The following ISLR variants were observed in gnomAD, a reference collection of about 807,000 sequenced individuals.
The protein encoded by ISLR is immunoglobulin superfamily containing leucine-rich repeat protein.
Under a neutral mutation model 11.0 loss-of-function variants are expected in ISLR, and 9 were observed. The observed-to-expected ratio is 0.82, with a 90% CI of 0.49 to 1.43. The LOEUF is 1.43. Among genes scored for constraint, ISLR ranks in the 40% most tolerant of loss-of-function variants. ISLR has a pLI of 0.00. For synonymous variants in ISLR, 262 were observed against 264.1 expected (o/e 0.99, Z 0.08); for missense variants, 510 against 576.4 (o/e 0.88, Z 1.18).
chr15:74,175,179 C>T lies in ISLR; in HGVS notation c.321C>T (p.His107=). ...ATCTCAAGAGCCTGGACCTCAGCCACAATCTCATCTCTGACTTTGCCTGGA... is the reference window on the plus strand; with the variant it reads ...ATCTCAAGAGCCTGGACCTCAGCCATAATCTCATCTCTGACTTTGCCTGGA... The part of the protein sequence containing the change: ...LSHLKSLDLS[H]NLISDFAWSD... The change falls in exon 2 of 2, where the codon CAC becomes CAT. Residue 107 remains histidine (H), a synonymous_variant. Transcript: ENST00000249842. This position sits in a 1 kb window ranked among gnomAD's most constrained non-coding sequence, Gnocchi z 4.7. 6.2e-7 allele frequency: 1 copy of T among 1,613,092 alleles called. No homozygotes were observed. The highest frequency in any genetic ancestry group is 8.5e-7 in the Non-Finnish European group (1 of 1,180,006).
chr15:74,174,548 T>G, intron 1 of ISLR: 1 of 299,994 alleles, frequency 3.3e-6, no homozygotes, highest in Non-Finnish European at 6.2e-6. Context: ...TTTCAAGTCA[T>G]AAAGTCAGCT....
At chr15:74,174,465 C>G in intron 1 of ISLR, 1 of 157,428 alleles carries the variant, frequency 6.4e-6, no homozygotes, top group Non-Finnish European at 1.2e-5. Context: ...GTGGGAGGGA[C>G]TGCGGCCAGG....
At position 74,176,355 on chromosome 15, in the gene ISLR, T is replaced by C; in HGVS notation, c.*210T>C. On this transcript the variant is annotated 3_prime_UTR_variant, in exon 2 of 2. Coordinates refer to ENST00000249842, the MANE Select transcript of ISLR (RefSeq NM_005545.4). Reference sequence around the variant, plus strand: ...CTAGGATAGAATTTGATCCCCTAACTCACTGTCTGCGGTGCTCATTGCTGC... The same window carrying C: ...CTAGGATAGAATTTGATCCCCTAACCCACTGTCTGCGGTGCTCATTGCTGC... 1 of 507,674 alleles carries C rather than the reference T, an allele frequency of 2.0e-6. No homozygotes were observed. The highest frequency in any genetic ancestry group is 3.5e-6 in the Non-Finnish European group (1 of 282,978). 31.4% of individuals were successfully genotyped at this position (507,674 alleles called of 1,614,324 possible).
rs1441287277 is a variant in ISLR at position 74,175,499 on chromosome 15, A to C, written c.641A>C (p.His214Pro). Residue 214 changes from histidine (H) to proline (P), a missense_variant, in exon 2 of 2, where the codon CAT becomes CCT. Coordinates refer to ENST00000249842, the MANE Select transcript of ISLR (RefSeq NM_005545.4). The surrounding 1 kb of genome is among the most constrained non-coding windows in gnomAD (Gnocchi z 4.7). The stretch of plus-strand genomic sequence containing the variant: ...GACAACATCGCCTGCACCTCACCCC[A>C]TGTGCTCAAGGGTACGCCGCTGAGC... The part of the protein sequence containing the change: ...EQDNIACTSP[H>P]VLKGTPLSRL... 2 of 1,610,138 alleles carry C rather than the reference A, an allele frequency of 1.2e-6. No homozygotes were observed. Among genetic ancestry groups the C allele is most frequent in the Admixed American group, 1.7e-5 (1 of 59,980 alleles).
chr15:74,174,728 A>C (rs2141982661), intron 1 of ISLR, 123 bp from the exon 2 acceptor site: 1 of 692,820 alleles, frequency 1.4e-6, no homozygotes, highest in South Asian at 2.5e-5. Flanking sequence ...TGGTGTTGGG[A>C]TTTAGCTGGG....
chr15:74,174,921 G>A lies in ISLR; in HGVS notation c.63G>A (p.Glu21=), dbSNP rs750697768. 1.2e-4 allele frequency: 185 copies of A among 1,597,708 alleles called. No individual in the cohort carries two copies. Among genetic ancestry groups the A allele is most frequent in the Non-Finnish European group, 1.6e-4 (183 of 1,173,180 alleles). ...LLLGLAQACP[E]PCDCGEKYGF... is the part of the protein sequence containing the mutation. ...TGGGCCTGGCTCAGGCCTGCCCTGA[G>A]CCCTGCGACTGTGGGGAAAAGTATG... Residue 21 remains glutamate, a synonymous_variant, in exon 2 of 2, where the codon GAG becomes GAA. Transcript: ENST00000249842.
At position 74,175,932 on chromosome 15, in the gene ISLR, G is replaced by GT; in HGVS notation, c.1076dup (p.His360ProfsTer6). Reference sequence around the variant, plus strand: ...GTGGTGAGGACACACTGGGGCGCAGGTTCCATGGCAAAGCGGTTGAGGGAA... The same window carrying GT: ...GTGGTGAGGACACACTGGGGCGCAGGTTTCCATGGCAAAGCGGTTGAGGGAA... On this transcript the variant is annotated frameshift_variant, in exon 2 of 2. Coordinates refer to ENST00000249842, the MANE Select transcript of ISLR (RefSeq NM_005545.4). LOFTEE classifies it high-confidence loss of function. The surrounding 1 kb of genome is among the most constrained non-coding windows in gnomAD (Gnocchi z 4.7). 1 of 1,610,998 alleles carries GT rather than the reference G, an allele frequency of 6.2e-7. No individual in the cohort carries two copies. Among genetic ancestry groups the GT allele is most frequent in the Middle Eastern group, 1.7e-4 (1 of 6,044 alleles).
In ISLR at chr15:74,175,990, C is replaced by A. The variant is rs2072791838; in HGVS notation, c.1132C>A (p.Pro378Thr). The change falls in exon 2 of 2, where the codon CCA becomes ACA. Residue 378 changes from proline to threonine, a missense_variant. By Grantham distance (38) the Pro-to-Thr change is conservative (BLOSUM62 -1). Transcript: ENST00000249842. This position sits in a 1 kb window ranked among gnomAD's most constrained non-coding sequence, Gnocchi z 4.7. ...CTATACGGTTGACAACGAGGTGCAG[C>A]CATCAGGGCCGGAGGACAATGTGGT... ...GCYTVDNEVQ[P>T]SGPEDNVVII... 1 of 1,611,992 alleles carries A rather than the reference C, an allele frequency of 6.2e-7. No homozygotes were observed. The highest frequency in any genetic ancestry group is 1.3e-5 in the African/African-American group (1 of 74,908).
chr15:74,174,854 G>A lies in ISLR; in HGVS notation c.-5G>A, dbSNP rs1419758019. Reference sequence around the variant, plus strand: ...GGTGACATGCCTTTCTCTGCAGGAGGCACCATGCAGGAGCTGCATCTGCTC... The same window carrying A: ...GGTGACATGCCTTTCTCTGCAGGAGACACCATGCAGGAGCTGCATCTGCTC... On this transcript the variant is annotated 5_prime_UTR_variant, in exon 2 of 2. Transcript: ENST00000249842. 6.6e-7 allele frequency: 1 copy of A among 1,516,920 alleles called. No homozygotes were observed. Among genetic ancestry groups the A allele is most frequent in the African/African-American group, 1.4e-5 (1 of 71,700 alleles). The allele number at this position is 1,516,920 out of a possible 1,614,324, so 94.0% of individuals were successfully genotyped here.
At position 74,176,865 on chromosome 15, in the gene ISLR, T is replaced by C. The variant is rs977081303; in HGVS notation, c.*720T>C. ...GCAGCAGAGAAATAAACAGCATTTCTGATGCCCCTCCGTGTCTGCCTGGAA... is the reference window on the plus strand; with the variant it reads ...GCAGCAGAGAAATAAACAGCATTTCCGATGCCCCTCCGTGTCTGCCTGGAA... On this transcript the variant is annotated 3_prime_UTR_variant, in exon 2 of 2. Transcript: ENST00000249842. 6.0e-6 allele frequency: 1 copy of C among 167,214 alleles called. No homozygotes were observed. Among genetic ancestry groups the C allele is most frequent in the Admixed American group, 6.5e-5 (1 of 15,290 alleles). 10.4% of individuals were successfully genotyped at this position (167,214 alleles called of 1,614,324 possible).
rs1277365815 is a variant in ISLR at position 74,175,427 on chromosome 15, G to C, written c.569G>C (p.Trp190Ser). The C allele has an allele frequency of 6.2e-7, 1 of 1,612,036 alleles. No homozygotes were observed. ...TTCGACTGCACCTGCGGCATCGTGT[G>C]GCTCAAGACATGGGCCCTGACCACG... ...NPFDCTCGIV[W>S]LKTWALTTAV... Residue 190 changes from tryptophan to serine, a missense_variant, in exon 2 of 2, where the codon TGG becomes TCG. Coordinates refer to ENST00000249842, the MANE Select transcript of ISLR (RefSeq NM_005545.4). The surrounding 1 kb of genome is among the most constrained non-coding windows in gnomAD (Gnocchi z 4.7).
In ISLR at chr15:74,176,291, C is replaced by T. The variant is rs1434199764; in HGVS notation, c.*146C>T. The T allele has an allele frequency of 1.9e-5, 12 of 618,490 alleles. No individual in the cohort carries two copies. The highest frequency in any genetic ancestry group is 4.3e-4 in the Middle Eastern group (1 of 2,324). 38.3% of individuals were successfully genotyped at this position (618,490 alleles called of 1,614,324 possible). A position where few individuals can be genotyped will look rare whatever the true frequency, so the allele number is the denominator to read the frequency against. On this transcript the variant is annotated 3_prime_UTR_variant, in exon 2 of 2. Coordinates refer to ENST00000249842, the MANE Select transcript of ISLR (RefSeq NM_005545.4). Reference sequence around the variant, plus strand: ...CTCCTTCTAATCTCTTCTAGAGCACCTGCTATCCCCAACTTCTAGACCTGC... The same window carrying T: ...CTCCTTCTAATCTCTTCTAGAGCACTTGCTATCCCCAACTTCTAGACCTGC...
chr15:74,175,087 C>T lies in ISLR; in HGVS notation c.229C>T (p.Gln77Ter). The change falls in exon 2 of 2, where the codon CAG (glutamine) becomes TAG (stop). Residue 77 changes from glutamine to a stop codon, truncating the protein, a stop_gained. Coordinates refer to ENST00000249842, the MANE Select transcript of ISLR (RefSeq NM_005545.4). LOFTEE classifies it high-confidence loss of function. This position sits in a 1 kb window ranked among gnomAD's most constrained non-coding sequence, Gnocchi z 4.7. ...EGAFREVPLL[Q>*]SLWLAHNEIR... is the part of the protein sequence containing the mutation. ...TGCCTTCAGGGAGGTGCCCCTGCTG[C>T]AGTCGCTGTGGCTGGCACACAATGA... 1 of 1,611,774 alleles carries T rather than the reference C, an allele frequency of 6.2e-7. No individual in the cohort carries two copies. The highest frequency in any genetic ancestry group is 8.5e-7 in the Non-Finnish European group (1 of 1,179,836).
chr15:74,176,300 C>A lies in ISLR; in HGVS notation c.*155C>A. 1 of 602,784 alleles carries A rather than the reference C, an allele frequency of 1.7e-6. No individual in the cohort carries two copies. The highest frequency in any genetic ancestry group is 2.9e-6 in the Non-Finnish European group (1 of 344,774). 37.3% of individuals were successfully genotyped at this position (602,784 alleles called of 1,614,324 possible). ...ATCTCTTCTAGAGCACCTGCTATCC[C>A]CAACTTCTAGACCTGCTCCAAACTA... On this transcript the variant is annotated 3_prime_UTR_variant, in exon 2 of 2. Coordinates refer to ENST00000249842, the MANE Select transcript of ISLR (RefSeq NM_005545.4).
Position 74,175,080 on chromosome 15 carries a change from C to A in ISLR, c.222C>A (p.Pro74=), listed in dbSNP as rs545669059. ...GLPEGAFREV[P]LLQSLWLAHN... ...CGGAGGGTGCCTTCAGGGAGGTGCC[C>A]CTGCTGCAGTCGCTGTGGCTGGCAC... Residue 74 remains proline, a synonymous_variant, in exon 2 of 2, where the codon CCC becomes CCA. Transcript: ENST00000249842. The surrounding 1 kb of genome is among the most constrained non-coding windows in gnomAD (Gnocchi z 4.7). 3.0e-5 allele frequency: 48 copies of A among 1,612,020 alleles called. No homozygotes were observed. The highest frequency in any genetic ancestry group is 4.0e-5 in the Non-Finnish European group (47 of 1,179,810).
In ISLR at chr15:74,175,351, A is replaced by G. The variant is rs2072780712; in HGVS notation, c.493A>G (p.Thr165Ala). Residue 165 changes from threonine (T) to alanine (A), a missense_variant, in exon 2 of 2, where the codon ACC (threonine) becomes GCC (alanine). Transcript: ENST00000249842. This position sits in a 1 kb window ranked among gnomAD's most constrained non-coding sequence, Gnocchi z 4.7. ...CCGCTTGCACACATTGGCCGAGGGC[A>G]CCTTCACCCCGCTCACCGCGCTGTC... ...HNRLHTLAEG[T>A]FTPLTALSHL... 1.2e-6 allele frequency: 2 copies of G among 1,610,674 alleles called. No homozygotes were observed. The highest frequency in any genetic ancestry group is 1.3e-5 in the African/African-American group (1 of 74,880).
Position 74,175,585 on chromosome 15 carries a change from G to C in ISLR, c.727G>C (p.Asp243His). 3 of 1,613,436 alleles carry C rather than the reference G, an allele frequency of 1.9e-6. No individual in the cohort carries two copies. Among genetic ancestry groups the C allele is most frequent in the Non-Finnish European group, 2.5e-6 (3 of 1,179,756 alleles). ...GCAGCTCAGCTACCAACCCAGCCAG[G>C]ATGGTGCCGAGCTGCGGCCTGGTTT... ...SVQLSYQPSQ[D>H]GAELRPGFVL... Residue 243 changes from aspartate (D) to histidine (H), a missense_variant, in exon 2 of 2, where the codon GAT becomes CAT. Asp to His is a moderately conservative substitution (Grantham distance 81). Coordinates refer to ENST00000249842, the MANE Select transcript of ISLR (RefSeq NM_005545.4). The surrounding 1 kb of genome is among the most constrained non-coding windows in gnomAD (Gnocchi z 4.7).
rs551515735 is a variant in ISLR at position 74,174,749 on chromosome 15, C to T, written c.-8-102C>T. On this transcript the variant is annotated intron_variant, in intron 1 of 1. Transcript: ENST00000249842. ...TGGGATTTAGCTGGGTTATGTGGGA[C>T]AGGGCCTCCTGATGGGAAAGAGCTC... 25 of 878,916 alleles carry T rather than the reference C, an allele frequency of 2.8e-5. No individual in the cohort carries two copies. In the East Asian group the frequency reaches 6.3e-4, roughly 22 times the overall value. 54.4% of individuals were successfully genotyped at this position (878,916 alleles called of 1,614,324 possible).
rs748331976 is a variant in ISLR at position 74,175,372 on chromosome 15, C to T, written c.514C>T (p.Leu172=). The T allele has an allele frequency of 6.2e-7, 1 of 1,611,344 alleles. No individual in the cohort carries two copies. Among genetic ancestry groups the T allele is most frequent in the South Asian group, 1.1e-5 (1 of 91,018 alleles). ...GGGCACCTTCACCCCGCTCACCGCGCTGTCCCACCTGCAGATCAACGAGAA... is the reference window on the plus strand; with the variant it reads ...GGGCACCTTCACCCCGCTCACCGCGTTGTCCCACCTGCAGATCAACGAGAA... ...AEGTFTPLTA[L]SHLQINENPF... The change falls in exon 2 of 2, where the codon CTG becomes TTG. Residue 172 remains leucine, a synonymous_variant. Coordinates refer to ENST00000249842, the MANE Select transcript of ISLR (RefSeq NM_005545.4). This position sits in a 1 kb window ranked among gnomAD's most constrained non-coding sequence, Gnocchi z 4.7.
Sources: allele counts gnomAD v4.1 joint callset, GRCh38; gene constraint gnomAD v4.1.1; non-coding constraint Gnocchi (gnomAD v3.1); transcripts MANE v1.5; gene names NCBI Gene and HGNC (gene_info 2026-07-23, HGNC 2026-07-21).